CACNA1D: variants seen among roughly 807,000 people sequenced by gnomAD.
CACNA1D encodes the protein calcium voltage-gated channel subunit alpha1 D.
A neutral mutation model predicts 257.1 loss-of-function variants in CACNA1D; 55 were observed. The observed-to-expected ratio is 0.21, with a 90% CI of 0.17 to 0.27. The LOEUF (loss-of-function observed/expected upper bound fraction) is 0.27. Ranked by LOEUF, CACNA1D falls within the 10% of genes least tolerant of loss-of-function variation. The pLI is 1.00. For missense variants in CACNA1D, 1,876 were observed against 2,784.0 expected, an observed-to-expected ratio of 0.67 and a Z score of 7.34; for synonymous variants, 980 against 1,014.9, an observed-to-expected ratio of 0.97 and a Z score of 0.65.
chr3:53,557,242 T>C (rs1415398297), intron 3 of CACNA1D, among the ~76,000 whole-genome samples: 1 of 151,822 alleles, frequency 6.6e-6, no homozygotes, highest in Non-Finnish European at 1.5e-5. Flanking sequence ...ACCGCTGTAA[T>C]CCCAGCACTT....
chr3:53,523,722 A>T lies in CACNA1D; in HGVS notation c.483+22002A>T, dbSNP rs912784464. ...GCCCCCCTTTGCCACTCTCATAATT[A>T]GAAGGTATTAAGAAACCTTTCAATT... On this transcript the variant is annotated intron_variant, in intron 3 of 47. Transcript: ENST00000350061. Among the ~76,000 whole-genome samples, 13 of 152,268 alleles carry T rather than the reference A, an allele frequency of 8.5e-5. 1 individual carries two copies. The highest frequency in any genetic ancestry group is 3.1e-4 in the African/African-American group (13 of 41,468).
At chr3:53,794,982 G>A (rs762423539) in intron 40 of CACNA1D, among the ~76,000 whole-genome samples, 1 of 152,180 alleles carries the variant, frequency 6.6e-6, no homozygotes, top group Non-Finnish European at 1.5e-5. Context: ...AGAGGCTCCT[G>A]TGCAGTGGCA....
At chr3:53,778,829 C>T (rs981062620) in intron 37 of CACNA1D, among the ~76,000 whole-genome samples, 1 of 152,196 alleles carries the variant, frequency 6.6e-6, no homozygotes, top group African/African-American at 2.4e-5. Context: ...TGGGAGAAGC[C>T]ACATAGGCTC....
intron 3 of CACNA1D, among the ~76,000 whole-genome samples, chr3:53,505,029 G>A (rs2090767313): frequency 6.6e-6 from 1 of 151,866 alleles, no homozygotes; most frequent in Admixed American, 6.6e-5. Flanking sequence ...CTAAGCGCCC[G>A]GAGGCAAAGG....
chr3:53,694,184 T>C (rs772182759), intron 8 of CACNA1D, among the ~76,000 whole-genome samples: 12 of 152,062 alleles, frequency 7.9e-5, no homozygotes, highest in Non-Finnish European at 1.8e-4. Context: ...GAGTGTCTGG[T>C]GGCCTCTCTG....
chr3:53,686,253 C>G (rs2094472567), intron 8 of CACNA1D, among the ~76,000 whole-genome samples: 1 of 151,924 alleles, frequency 6.6e-6, no homozygotes, highest in Non-Finnish European at 1.5e-5. Flanking sequence ...AAATTAGAAG[C>G]CTAGATGAGG....
At chr3:53,515,365 C>T (rs908145087) in intron 3 of CACNA1D, among the ~76,000 whole-genome samples, 2 of 152,124 alleles carry the variant, frequency 1.3e-5, no homozygotes, top group Admixed American at 6.6e-5. Context: ...GCCCGATGGT[C>T]GTGCAGTTCC....
At chr3:53,513,987 C>T (rs1211668180) in intron 3 of CACNA1D, among the ~76,000 whole-genome samples, 2 of 152,174 alleles carry the variant, frequency 1.3e-5, no homozygotes, top group African/African-American at 4.8e-5. Context: ...TCCGTGTTCA[C>T]ACAGTGATGA....
At chr3:53,786,728 T>TGTGCCC in intron 39 of CACNA1D, 94 bp from the exon 40 acceptor site, 1 of 253,172 alleles carries the variant, frequency 3.9e-6, no homozygotes. Context: ...CCCGCCCCAC[T>TGTGCCC]CTGCCCCTGC....
At chr3:53,810,774 AAAAAAAAAAAAAC>A (rs1488303690) in intron 47 of CACNA1D, among the ~76,000 whole-genome samples, 5 of 149,094 alleles carry the variant, frequency 3.4e-5, no homozygotes, top group African/African-American at 7.5e-5. Context: ...AAAAAAAAAA[AAAAAAAAAAAAAC>A]AAAAACTGGT....
At chr3:53,557,947 T>A (rs573686200) in intron 3 of CACNA1D, among the ~76,000 whole-genome samples, 78 of 152,226 alleles carry the variant, frequency 5.1e-4, no homozygotes, top group Non-Finnish European at 9.7e-4. Context: ...TTGGGGAGAA[T>A]TGATATTTCA....
chr3:53,644,537 T>G (rs2093998961), intron 3 of CACNA1D, among the ~76,000 whole-genome samples: 1 of 152,234 alleles, frequency 6.6e-6, no homozygotes, highest in South Asian at 2.1e-4. Context: ...GTTCAGTGTT[T>G]TTAGACTCCT....
intron 3 of CACNA1D, among the ~76,000 whole-genome samples, chr3:53,595,249 A>G (rs1299186081): frequency 1.3e-5 from 2 of 152,190 alleles, no homozygotes; most frequent in Admixed American, 6.5e-5. Context: ...GCTTGTTTTC[A>G]CAGTGCCCTG....
At chr3:53,711,328 C>T (rs1380016186) in intron 9 of CACNA1D, among the ~76,000 whole-genome samples, 4 of 152,166 alleles carry the variant, frequency 2.6e-5, no homozygotes, top group Non-Finnish European at 4.4e-5. Flanking sequence ...AGAATGGGCT[C>T]GTGTGGGAAA....
intron 3 of CACNA1D, among the ~76,000 whole-genome samples, chr3:53,543,263 C>T (rs923195055): frequency 6.6e-6 from 1 of 152,154 alleles, no homozygotes; most frequent in Non-Finnish European, 1.5e-5. Flanking sequence ...CTCAAAGCTT[C>T]GTAATGTCTC....
chr3:53,759,477 C>T lies in CACNA1D; in HGVS notation c.3787-2521C>T, dbSNP rs138561875. Among the ~76,000 whole-genome samples the T allele has an allele frequency of 5.7e-3, 869 of 152,278 alleles. 2 individuals carry two copies. The highest frequency in any genetic ancestry group is 6.8e-3 in the Non-Finnish European group (463 of 68,022). On this transcript the variant is annotated intron_variant, in intron 29 of 47. Transcript: ENST00000350061. Reference sequence around the variant, plus strand: ...TACAAATGCAGGCGGGGCTGGGGCACGCACCACAGCAGGTGCGAAGGGCGA... The same window carrying T: ...TACAAATGCAGGCGGGGCTGGGGCATGCACCACAGCAGGTGCGAAGGGCGA...
intron 47 of CACNA1D, among the ~76,000 whole-genome samples, 184 bp from the exon 48 acceptor site, chr3:53,810,929 T>C (rs1310213790): frequency 6.6e-6 from 1 of 152,094 alleles, no homozygotes; most frequent in Admixed American, 6.6e-5. Context: ...GTTTTTTAGC[T>C]CCAGGACATT....
chr3:53,516,714 G>A (rs1325900168), intron 3 of CACNA1D, among the ~76,000 whole-genome samples: 1 of 152,152 alleles, frequency 6.6e-6, no homozygotes, highest in Non-Finnish European at 1.5e-5. Context: ...CTGTGTCTTG[G>A]GGCCTGCACC....
At chr3:53,706,196 C>G (rs527322180) in intron 9 of CACNA1D, among the ~76,000 whole-genome samples, 1 of 152,314 alleles carries the variant, frequency 6.6e-6, no homozygotes, top group South Asian at 2.1e-4. Flanking sequence ...CAGCTGGGTC[C>G]TGGATGTGAG....
Sources: gnomAD v4.1 joint callset for allele counts (sites outside exome capture counted in the v4.1 genomes callset) on GRCh38, gnomAD v4.1.1 for gene constraint, MANE v1.5 for transcripts, NCBI Gene and HGNC (gene_info 2026-07-23, HGNC 2026-07-21) for gene names.